GAB1: variants seen among roughly 807,000 people sequenced by gnomAD.
The protein encoded by GAB1 is GRB2 associated binding protein 1.
A neutral mutation model predicts 66.5 loss-of-function variants in GAB1; 19 were observed. The ratio of observed to expected loss-of-function variants is 0.29; its 90% CI spans 0.20 to 0.42. The LOEUF (loss-of-function observed/expected upper bound fraction) is 0.42, where lower values mean the gene tolerates loss of function less well. Ranked by LOEUF, GAB1 falls within the 10% of genes least tolerant of loss-of-function variation. The probability of loss-of-function intolerance (pLI) is 1.00; values close to 1 mark genes in which losing one functional copy is unlikely to be tolerated. For missense variants in GAB1, 732 were observed against 858.5 expected (o/e 0.85, Z 1.84); for synonymous variants, 294 against 301.4 (o/e 0.98, Z 0.25).
intron 1 of GAB1, among the ~76,000 whole-genome samples, chr4:143,379,135 A>G (rs954019774): frequency 6.6e-5 from 10 of 152,226 alleles, no homozygotes; most frequent in Non-Finnish European, 1.5e-4. Flanking sequence ...GGGGACTACA[A>G]TTCAGAGTTA....
chr4:143,429,953 T>G (rs913830213), intron 2 of GAB1, among the ~76,000 whole-genome samples: 1 of 152,218 alleles, frequency 6.6e-6, no homozygotes, highest in East Asian at 1.9e-4. Flanking sequence ...AAAATAAGTT[T>G]CCTTGGACTC....
chr4:143,362,944 C>G (rs1228197799), intron 1 of GAB1, among the ~76,000 whole-genome samples: 1 of 152,216 alleles, frequency 6.6e-6, no homozygotes, highest in East Asian at 1.9e-4. Context: ...CTCTGTTGAA[C>G]AGTTGCTGTG....
chr4:143,393,607 G>A (rs1156916464), intron 1 of GAB1, among the ~76,000 whole-genome samples: 1 of 152,122 alleles, frequency 6.6e-6, no homozygotes, highest in Non-Finnish European at 1.5e-5. Context: ...AATTGTTATT[G>A]CATTGGAAAA....
At chr4:143,412,193 C>T (rs932848360) in intron 1 of GAB1, among the ~76,000 whole-genome samples, 2 of 152,092 alleles carry the variant, frequency 1.3e-5, no homozygotes, top group Admixed American at 6.6e-5. Flanking sequence ...CACAGTTAGC[C>T]GGAAAACAAA....
At chr4:143,458,799 G>A (rs1011450641) in intron 6 of GAB1, among the ~76,000 whole-genome samples, 2 of 151,884 alleles carry the variant, frequency 1.3e-5, no homozygotes, top group African/African-American at 2.4e-5. Flanking sequence ...TTTTCAGAGC[G>A]GAGTTTGGAT....
At chr4:143,412,494 A>G (rs1055030232) in intron 1 of GAB1, among the ~76,000 whole-genome samples, 6 of 152,220 alleles carry the variant, frequency 3.9e-5, no homozygotes, top group Non-Finnish European at 8.8e-5. Flanking sequence ...GCACTGTGCT[A>G]TGGCAAATAA....
chr4:143,444,642 G>A (rs1189463090), intron 6 of GAB1, among the ~76,000 whole-genome samples: 1 of 151,936 alleles, frequency 6.6e-6, no homozygotes, highest in East Asian at 1.9e-4. Flanking sequence ...TTTTAGGGGG[G>A]TGCATGTGCA....
At chr4:143,373,868 A>AATAAATAAATAAATAAATATAT in intron 1 of GAB1, among the ~76,000 whole-genome samples, 1 of 93,670 alleles carries the variant, frequency 1.1e-5, no homozygotes. Context: ...TAAATAAATA[A>AATAAATAAATAAATAAATATAT]ATATATATAT....
chr4:143,371,809 C>T (rs1296116883), intron 1 of GAB1, among the ~76,000 whole-genome samples: 2 of 123,914 alleles, frequency 1.6e-5, no homozygotes, highest in Non-Finnish European at 1.8e-5. Flanking sequence ...AATAGGGTAT[C>T]CTTTCCCGAT....
intron 1 of GAB1, chr4:143,380,465 T>C (rs1730611271): frequency 6.6e-6 from 1 of 152,216 alleles, no homozygotes; most frequent in Non-Finnish European, 1.5e-5. Flanking sequence ...TGAATTATTA[T>C]ATATTCCCAT....
intron 1 of GAB1, among the ~76,000 whole-genome samples, chr4:143,378,627 GTGTCTCTCTCTC>G (rs1458282771): frequency 1.7e-5 from 2 of 116,222 alleles, no homozygotes; most frequent in Admixed American, 1.8e-4. Flanking sequence ...AACTTCCAAA[GTGTCTCTCTCTC>G]TCTCTCTCTC....
chr4:143,458,281 C>T (rs1735300685), intron 6 of GAB1, among the ~76,000 whole-genome samples: 1 of 152,048 alleles, frequency 6.6e-6, no homozygotes, highest in Non-Finnish European at 1.5e-5. Flanking sequence ...TATAGACAAG[C>T]AAAATGGTTT....
At chr4:143,400,795 C>T (rs1361313748) in intron 1 of GAB1, among the ~76,000 whole-genome samples, 1 of 151,982 alleles carries the variant, frequency 6.6e-6, no homozygotes, top group African/African-American at 2.4e-5. Context: ...TAACGAAACC[C>T]CATCTCTACT....
At chr4:143,463,585 T>C (rs960457302) in intron 8 of GAB1, among the ~76,000 whole-genome samples, 1 of 144,404 alleles carries the variant, frequency 6.9e-6, no homozygotes. Flanking sequence ...ATCAAGCCAC[T>C]GCCCTGCAGC....
At chr4:143,393,512 C>G (rs145478287) in intron 1 of GAB1, among the ~76,000 whole-genome samples, 2,937 of 152,228 alleles carry the variant, frequency 0.019, 40 homozygotes, top group South Asian at 0.055. Flanking sequence ...CAGCCTACCT[C>G]ATAGGGCTGT....
At chr4:143,362,187 A>G (rs1197910219) in intron 1 of GAB1, among the ~76,000 whole-genome samples, 1 of 152,194 alleles carries the variant, frequency 6.6e-6, no homozygotes, top group Non-Finnish European at 1.5e-5. Flanking sequence ...TAGAAAAATA[A>G]GGACAACAGC....
At chr4:143,425,376 T>A in intron 2 of GAB1, 1 of 760,186 alleles carries the variant, frequency 1.3e-6, no homozygotes, top group Non-Finnish European at 2.4e-6. Context: ...AACCTTCAGA[T>A]GCAGACAGCC....
intron 6 of GAB1, among the ~76,000 whole-genome samples, chr4:143,445,311 T>C (rs1487040287): frequency 6.6e-6 from 1 of 152,198 alleles, no homozygotes; most frequent in Non-Finnish European, 1.5e-5. Flanking sequence ...TGATATCTCA[T>C]TGTAGTTTTG....
chr4:143,373,851 C>T (rs1376913853), intron 1 of GAB1, among the ~76,000 whole-genome samples: 1 of 76,066 alleles, frequency 1.3e-5, no homozygotes, highest in Admixed American at 1.3e-4. Context: ...CTCTCTCTCT[C>T]TCTCTGTAAA....
Sources: gnomAD v4.1 joint callset for allele counts (sites outside exome capture counted in the v4.1 genomes callset) on GRCh38, gnomAD v4.1.1 for gene constraint, MANE v1.5 for transcripts, NCBI Gene and HGNC (gene_info 2026-07-23, HGNC 2026-07-21) for gene names.